Variants in MYRIP observed in about 807,000 individuals in gnomAD.
MYRIP encodes the protein rab effector MyRIP.
A neutral mutation model predicts 98.0 loss-of-function variants in MYRIP; 49 were observed. The observed-to-expected ratio is 0.50, with a 90% CI of 0.40 to 0.63. The LOEUF is 0.63. Among genes scored for constraint, MYRIP ranks in the 30% least tolerant of loss-of-function variants. The pLI is 0.00. For missense variants in MYRIP, 1,004 were observed against 1,058.2 expected, an observed-to-expected ratio of 0.95 and a Z score of 0.71; for synonymous variants, 404 against 409.5, an observed-to-expected ratio of 0.99 and a Z score of 0.16.
At chr3:40,004,686 C>A (rs9844945) in intron 2 of MYRIP, among the ~76,000 whole-genome samples, 9 of 152,194 alleles carry the variant, frequency 5.9e-5, no homozygotes, top group African/African-American at 1.9e-4. Context: ...TATGCCTTTG[C>A]ATCCTCATAG....
chr3:40,162,900 A>G, intron 5 of MYRIP, 90 bp downstream of exon 5: 1 of 1,187,578 alleles, frequency 8.4e-7, no homozygotes. Context: ...CCCCAGATGC[A>G]TTGTTACCCC....
rs906212453 is a variant in MYRIP at position 40,063,663 on chromosome 3, C to A, written c.332+19392C>A. Among the ~76,000 whole-genome samples the A allele has an allele frequency of 2.6e-5, 4 of 152,238 alleles. No homozygotes were observed. The East Asian group carries it at 7.7e-4, about 29-fold the overall frequency. On this transcript the variant is annotated intron_variant, in intron 3 of 16. Transcript: ENST00000302541. ...AAGCATATTTGCATAGCTTACATGA[C>A]AGTTATGTTGGGGGAACAAACCAGG...
chr3:39,867,177 T>A lies in MYRIP; in HGVS notation c.-30-33610T>A, dbSNP rs112063686. 7.2e-5 allele frequency among the ~76,000 whole-genome samples: 11 copies of A among 152,274 alleles called. 1 individual carries two copies. The highest frequency in any genetic ancestry group is 2.4e-4 in the African/African-American group (10 of 41,558). Reference sequence around the variant, plus strand: ...TCTTACACTACTTGGAAAAATTAACTCAAGGTGGATTAAAGGTTTAAATGT... The same window carrying A: ...TCTTACACTACTTGGAAAAATTAACACAAGGTGGATTAAAGGTTTAAATGT... On this transcript the variant is annotated intron_variant, in intron 1 of 16. Transcript: ENST00000302541.
chr3:39,863,128 A>T (rs1942519636), intron 1 of MYRIP, among the ~76,000 whole-genome samples: 1 of 152,174 alleles, frequency 6.6e-6, no homozygotes, highest in South Asian at 2.1e-4. Flanking sequence ...AAGTTACAAC[A>T]TACTACAATC....
At position 40,244,633 on chromosome 3, in the gene MYRIP, T is replaced by C. The variant is rs533314247; in HGVS notation, c.2262+26T>C. The C allele has an allele frequency of 5.0e-6, 8 of 1,597,596 alleles. No homozygotes were observed. In the African/African-American group the frequency reaches 9.4e-5, roughly 19 times the overall value. ...GTGAGAACTCTCCTCTCTGCCCACA[T>C]GGGTCCTGCAGGGTGAAACAGGGAG... On this transcript the variant is annotated intron_variant, in intron 13 of 16. Transcript: ENST00000302541.
intron 1 of MYRIP, among the ~76,000 whole-genome samples, chr3:39,889,321 C>A (rs1943413467): frequency 6.6e-6 from 1 of 152,102 alleles, no homozygotes; most frequent in Non-Finnish European, 1.5e-5. Context: ...AAATGTGGCA[C>A]ATATACACCA....
At chr3:40,117,336 T>C (rs1949304829) in intron 3 of MYRIP, among the ~76,000 whole-genome samples, 1 of 152,222 alleles carries the variant, frequency 6.6e-6, no homozygotes, top group Non-Finnish European at 1.5e-5. Context: ...AGCCATATGA[T>C]AGCTACTGTG....
intron 4 of MYRIP, among the ~76,000 whole-genome samples, chr3:40,155,368 C>T (rs1365383650): frequency 1.3e-5 from 2 of 150,684 alleles, no homozygotes; most frequent in Admixed American, 1.3e-4. Flanking sequence ...ATATGTGCCA[C>T]ATTTTCTTAA....
Position 40,234,053 on chromosome 3 carries a change from T to G in MYRIP, c.2100T>G (p.Asn700Lys). 6.2e-7 allele frequency: 1 copy of G among 1,600,762 alleles called. No individual in the cohort carries two copies. Among genetic ancestry groups the G allele is most frequent in the Non-Finnish European group, 8.5e-7 (1 of 1,176,202 alleles). The change falls in exon 12 of 17, where the codon AAT becomes AAG. Residue 700 changes from asparagine to lysine, a missense_variant and splice_region_variant. Transcript: ENST00000302541. The stretch of plus-strand genomic sequence containing the variant: ...AGCAGCTGACTTCCCTGGAAGAAAA[T>G]GTAAGAGGGTATGGAGGTGCCCTGT... ...LDEQLTSLEE[N>K]VYLAAGTVYG... is the part of the protein sequence containing the mutation.
Position 40,189,895 on chromosome 3 carries a change from C to G in MYRIP, c.1097C>G (p.Thr366Ser), listed in dbSNP as rs762537921. The G allele has an allele frequency of 6.2e-7, 1 of 1,614,092 alleles. No homozygotes were observed. Among genetic ancestry groups the G allele is most frequent in the African/African-American group, 1.3e-5 (1 of 74,936 alleles). The stretch of plus-strand genomic sequence containing the variant: ...CTGAAGGATGGCGCTCCACCCCCCA[C>G]CCGACTACTGGCCAAACCTAAGAGC... ...VALKDGAPPP[T>S]RLLAKPKSGT... The change falls in exon 10 of 17, where the codon ACC becomes AGC. Residue 366 changes from threonine (T) to serine (S), a missense_variant. This residue lies in a region of MYRIP where 880 missense variants were observed against 907.7 expected (regional missense o/e 0.97). Transcript: ENST00000302541.
intron 8 of MYRIP, among the ~76,000 whole-genome samples, chr3:40,171,274 G>C (rs1161282852): frequency 6.6e-6 from 1 of 152,062 alleles, no homozygotes; most frequent in African/African-American, 2.4e-5. Context: ...GTTCATAATT[G>C]GGTGCTGAGT....
chr3:39,885,334 T>C (rs1302036346), intron 1 of MYRIP, among the ~76,000 whole-genome samples: 1 of 152,116 alleles, frequency 6.6e-6, no homozygotes, highest in Non-Finnish European at 1.5e-5. Context: ...CCCCACTCTC[T>C]TCTGGCTTGT....
chr3:40,123,686 G>C (rs1443742672), intron 3 of MYRIP, among the ~76,000 whole-genome samples: 2 of 152,186 alleles, frequency 1.3e-5, no homozygotes, highest in African/African-American at 2.4e-5. Context: ...ATCCCTCAAG[G>C]CTCAGCAAAG....
At chr3:40,009,567 G>C (rs1043779508) in intron 2 of MYRIP, among the ~76,000 whole-genome samples, 9 of 152,068 alleles carry the variant, frequency 5.9e-5, no homozygotes, top group Non-Finnish European at 8.8e-5. Context: ...TAATGTGGAG[G>C]CTCAGGACTT....
At chr3:40,168,092 G>A (rs1950536211) in intron 7 of MYRIP, among the ~76,000 whole-genome samples, 3 of 152,196 alleles carry the variant, frequency 2.0e-5, no homozygotes, top group African/African-American at 7.2e-5. Flanking sequence ...ATGTACTGTA[G>A]TTGGTTTTTC....
At chr3:39,971,233 T>C (rs1450733820) in intron 2 of MYRIP, among the ~76,000 whole-genome samples, 1 of 152,066 alleles carries the variant, frequency 6.6e-6, no homozygotes, top group Non-Finnish European at 1.5e-5. Flanking sequence ...TACCCTTTGT[T>C]CTTCTTGGTA....
chr3:40,238,979 C>G (rs1044432425), intron 12 of MYRIP, among the ~76,000 whole-genome samples: 1 of 151,714 alleles, frequency 6.6e-6, no homozygotes. Flanking sequence ...CATATGTATA[C>G]ATGTGCCATG....
Position 40,205,703 on chromosome 3 carries a change from C to T in MYRIP, c.1666-4151C>T, listed in dbSNP as rs1011203330. Among the ~76,000 whole-genome samples, 4 of 152,220 alleles carry T rather than the reference C, an allele frequency of 2.6e-5. No homozygotes were observed. In the East Asian group the frequency reaches 5.8e-4, roughly 22 times the overall value. ...TTCTCCACTGAGTTCATAATCTTCT[C>T]TGTGATCTGCTTATGTCCCTCACTG... On this transcript the variant is annotated intron_variant, in intron 10 of 16. Coordinates refer to ENST00000302541, the MANE Select transcript of MYRIP (RefSeq NM_015460.4).
intron 2 of MYRIP, among the ~76,000 whole-genome samples, chr3:39,975,817 A>T (rs1427979280): frequency 2.6e-5 from 4 of 152,188 alleles, no homozygotes; most frequent in Non-Finnish European, 5.9e-5. Context: ...CCTATTTAAT[A>T]AATGGTGCTG....
Sources: gnomAD v4.1 joint callset for allele counts (sites outside exome capture counted in the v4.1 genomes callset) on GRCh38, gnomAD v4.1.1 for gene constraint, gnomAD v4.1.1 regional missense constraint, MANE v1.5 for transcripts, NCBI Gene and HGNC (gene_info 2026-07-23, HGNC 2026-07-21) for gene names.